Variants in GLDN observed in about 807,000 individuals in gnomAD.
The protein encoded by GLDN is collomin.
In GLDN, 47 loss-of-function variants were observed where a neutral mutation model predicts 56.5. The observed-to-expected ratio is 0.83, with a 90% CI of 0.66 to 1.06. The LOEUF is 1.06. Among genes scored for constraint, GLDN ranks in the 50% least tolerant of loss-of-function variants. The pLI, the probability that GLDN is intolerant of heterozygous loss-of-function variation, is 0.00. For missense variants in GLDN, 782 were observed against 714.3 expected, an observed-to-expected ratio of 1.09 and a Z score of -1.08; for synonymous variants, 332 against 278.8, an observed-to-expected ratio of 1.19 and a Z score of -1.90.
intron 4 of GLDN, among the ~76,000 whole-genome samples, chr15:51,389,398 T>C (rs1038845996): frequency 1.3e-5 from 2 of 152,196 alleles, no homozygotes; most frequent in African/African-American, 4.8e-5. Context: ...ACAATCCAGT[T>C]GAAAGAGAAG....
chr15:51,355,411 A>G (rs1471073754), intron 1 of GLDN, among the ~76,000 whole-genome samples: 1 of 152,148 alleles, frequency 6.6e-6, no homozygotes, highest in Non-Finnish European at 1.5e-5. Context: ...TTAGCATGCT[A>G]ATGCATTATT....
At chr15:51,373,973 C>A (rs2037570278) in intron 1 of GLDN, among the ~76,000 whole-genome samples, 1 of 152,160 alleles carries the variant, frequency 6.6e-6, no homozygotes, top group African/African-American at 2.4e-5. Flanking sequence ...AAAAAAGTTT[C>A]TAACTTTATG....
intron 1 of GLDN, among the ~76,000 whole-genome samples, chr15:51,372,258 C>A (rs906030375): frequency 6.6e-6 from 1 of 152,206 alleles, no homozygotes; most frequent in Non-Finnish European, 1.5e-5. Context: ...TAAAAGGCCC[C>A]CTTTCTCAAT....
At chr15:51,396,136 C>T (rs1426326007) in intron 5 of GLDN, among the ~76,000 whole-genome samples, 1 of 152,156 alleles carries the variant, frequency 6.6e-6, no homozygotes, top group Non-Finnish European at 1.5e-5. Flanking sequence ...TCCCCTTAAC[C>T]ACCTCCACCT....
rs537053766 is a variant in GLDN at position 51,395,827 on chromosome 15, C to T, written c.688+846C>T. Among the ~76,000 whole-genome samples, 34 of 152,262 alleles carry T rather than the reference C, an allele frequency of 2.2e-4. No individual in the cohort carries two copies. The East Asian group carries it at 6.6e-3, about 29-fold the overall frequency. On this transcript the variant is annotated intron_variant, in intron 5 of 9. Transcript: ENST00000335449. ...AAGAGGCATGATGCTGGCATCTGCTCAGCTTCTGGAGAGGCCTCAGGAAAC... is the reference window on the plus strand; with the variant it reads ...AAGAGGCATGATGCTGGCATCTGCTTAGCTTCTGGAGAGGCCTCAGGAAAC...
intron 9 of GLDN, 52 bp downstream of exon 9, chr15:51,401,795 T>C: frequency 6.4e-7 from 1 of 1,557,576 alleles, no homozygotes; most frequent in East Asian, 2.3e-5. Flanking sequence ...ACCTGTGCTG[T>C]GGTGCTTTTG....
chr15:51,374,717 A>G (rs1595818924), intron 1 of GLDN, among the ~76,000 whole-genome samples: 2 of 141,104 alleles, frequency 1.4e-5, no homozygotes, highest in South Asian at 4.5e-4. Context: ...ATCTGTACAC[A>G]TTTCTTTTCT....
chr15:51,362,682 ACTTCTCAATGATGAGAATCTGG>A (rs1276867409), intron 1 of GLDN, among the ~76,000 whole-genome samples: 3 of 152,090 alleles, frequency 2.0e-5, no homozygotes, highest in Non-Finnish European at 4.4e-5. Flanking sequence ...AATCACTCTG[ACTTCTCAATGATGAGAATCTGG>A]CTTCTCAATG....
downstream of GLDN, among the ~76,000 whole-genome samples, chr15:51,412,802 T>C (rs1046502359): frequency 7.2e-5 from 11 of 152,232 alleles, no homozygotes; most frequent in Admixed American, 5.2e-4. Context: ...TTTATTAAAA[T>C]GCAGCTACAT....
rs575209915 is a variant in GLDN, at chr15:51,375,879, C to T, written c.364-1570C>T. On this transcript the variant is annotated intron_variant, in intron 1 of 9. Coordinates refer to ENST00000335449, the MANE Select transcript of GLDN (RefSeq NM_181789.4). Reference sequence around the variant, plus strand: ...GCTTCCTCCCAACCACTAGGCTCACCACCCCTTTTATTCAGGCCCAAAAAT... The same window carrying T: ...GCTTCCTCCCAACCACTAGGCTCACTACCCCTTTTATTCAGGCCCAAAAAT... 6.6e-5 allele frequency among the ~76,000 whole-genome samples: 10 copies of T among 152,242 alleles called. 1 individual carries two copies. Among genetic ancestry groups the T allele is most frequent in the Middle Eastern group, 6.8e-3 (2 of 294 alleles).
chr15:51,343,619 G>A (rs574098843), intron 1 of GLDN, among the ~76,000 whole-genome samples: 12 of 152,298 alleles, frequency 7.9e-5, no homozygotes, highest in Admixed American at 2.6e-4. Context: ...AGGTCAGAGA[G>A]CAGAACTATC....
chr15:51,398,314 G>A (rs973349497), intron 6 of GLDN, among the ~76,000 whole-genome samples: 15 of 152,248 alleles, frequency 9.9e-5, no homozygotes, highest in Non-Finnish European at 1.9e-4. Context: ...TGGTGGACTT[G>A]TTCTTTAGCC....
intron 4 of GLDN, among the ~76,000 whole-genome samples, chr15:51,389,654 C>CG (rs912575067): frequency 1.3e-5 from 2 of 152,038 alleles, no homozygotes; most frequent in African/African-American, 4.8e-5. Context: ...GTGGGAAAGG[C>CG]GGGGGAACAG....
chr15:51,393,536 G>T (rs1555405390), intron 4 of GLDN, among the ~76,000 whole-genome samples: 1 of 152,190 alleles, frequency 6.6e-6, no homozygotes, highest in Non-Finnish European at 1.5e-5. Context: ...TCCCTCATGT[G>T]TAGAAGTCAT....
intron 1 of GLDN, among the ~76,000 whole-genome samples, chr15:51,370,664 A>C (rs531260351): frequency 2.0e-5 from 3 of 152,234 alleles, no homozygotes; most frequent in African/African-American, 7.2e-5. Context: ...TATTATTCCA[A>C]CATACCTTTA....
chr15:51,404,396 GC>G lies in GLDN; in HGVS notation c.1300del (p.Leu434PhefsTer16). The G allele has an allele frequency of 6.2e-7, 1 of 1,614,118 alleles. No homozygotes were observed. Among genetic ancestry groups the G allele is most frequent in the Non-Finnish European group, 8.5e-7 (1 of 1,180,026 alleles). ...TYFNLAVDEKGLWIIYASSVD... is the reference protein window; with the variant it reads ...TYFNLAVDEKXLWIIYASSVD... ...TTCAATCTAGCTGTAGATGAAAAGG[GC>G]CTTTGGATTATCTATGCGTCAAGTG... On this transcript the variant is annotated frameshift_variant, in exon 10 of 10. Transcript: ENST00000335449. LOFTEE classifies it high-confidence loss of function.
chr15:51,409,454 G>A (rs2038441617), downstream of GLDN, among the ~76,000 whole-genome samples: 1 of 152,112 alleles, frequency 6.6e-6, no homozygotes. Flanking sequence ...CACTGTAAAG[G>A]TTTTAAATAA....
At chr15:51,357,326 T>C (rs115596523) in intron 1 of GLDN, among the ~76,000 whole-genome samples, 3 of 152,344 alleles carry the variant, frequency 2.0e-5, no homozygotes, top group Non-Finnish European at 2.9e-5. Flanking sequence ...AATCCTTCAA[T>C]TGAGAAAAAC....
At chr15:51,391,652 C>G (rs1566948786) in intron 4 of GLDN, among the ~76,000 whole-genome samples, 1 of 152,238 alleles carries the variant, frequency 6.6e-6, no homozygotes, top group Non-Finnish European at 1.5e-5. Flanking sequence ...CCAAGATGGC[C>G]TGATGACTGA....
Sources: gnomAD v4.1 joint callset for allele counts (sites outside exome capture counted in the v4.1 genomes callset) on GRCh38, gnomAD v4.1.1 for gene constraint, MANE v1.5 for transcripts, NCBI Gene and HGNC (gene_info 2026-07-23, HGNC 2026-07-21) for gene names.